Variants in ARMH3 observed in about 807,000 individuals in gnomAD.
The protein encoded by ARMH3 is armadillo like helical domain containing 3, also known as armadillo-like helical domain-containing protein 3.
A neutral mutation model predicts 99.1 loss-of-function variants in ARMH3; 60 were observed. The ratio of observed to expected loss-of-function variants is 0.61; its 90% CI spans 0.49 to 0.75. The LOEUF is 0.75. ARMH3 is among the 30% of genes least tolerant of loss of function. ARMH3 has a pLI of 0.00. For missense variants in ARMH3, 679 were observed against 843.1 expected, an observed-to-expected ratio of 0.81 and a Z score of 2.41; for synonymous variants, 285 against 292.8, an observed-to-expected ratio of 0.97 and a Z score of 0.27.
At chr10:101,968,884 G>C (rs997667544) in intron 20 of ARMH3, among the ~76,000 whole-genome samples, 3 of 152,164 alleles carry the variant, frequency 2.0e-5, no homozygotes, top group African/African-American at 7.2e-5. Context: ...GAACCAGAAA[G>C]ATACCTTCTA....
chr10:102,010,172 C>G (rs2066600142), intron 11 of ARMH3, 149 bp from the exon 12 acceptor site: 2 of 608,146 alleles, frequency 3.3e-6, no homozygotes, highest in Non-Finnish European at 5.8e-6. Context: ...CACACCAAAA[C>G]CAGCCCACTT....
chr10:101,975,745 T>A (rs2135927183), intron 19 of ARMH3, among the ~76,000 whole-genome samples: 1 of 151,910 alleles, frequency 6.6e-6, no homozygotes, highest in South Asian at 2.1e-4. Flanking sequence ...GTACCTGTAG[T>A]CCCAGCTACT....
At chr10:102,044,091 CTTTTT>C (rs778226635) in intron 1 of ARMH3, among the ~76,000 whole-genome samples, 4 of 104,118 alleles carry the variant, frequency 3.8e-5, no homozygotes, top group Admixed American at 9.8e-5. Flanking sequence ...TAATTTTTTT[CTTTTT>C]TTTTTTTTTT....
intron 24 of ARMH3, among the ~76,000 whole-genome samples, chr10:101,860,996 A>C (rs1010710896): frequency 6.6e-6 from 1 of 152,354 alleles, no homozygotes; most frequent in South Asian, 2.1e-4. Flanking sequence ...ACATATCAAG[A>C]AGCAGAAAAA....
At chr10:101,886,362 C>A (rs1005829234) in intron 24 of ARMH3, among the ~76,000 whole-genome samples, 3 of 150,814 alleles carry the variant, frequency 2.0e-5, no homozygotes, top group African/African-American at 7.3e-5. Flanking sequence ...AAACAAAAAT[C>A]AGCCAGGCAT....
intron 23 of ARMH3, among the ~76,000 whole-genome samples, chr10:101,905,430 G>C (rs530974192): frequency 1.3e-5 from 2 of 152,216 alleles, no homozygotes; most frequent in Non-Finnish European, 2.9e-5. Context: ...TGCTACAAGA[G>C]AGAAATGTAC....
chr10:101,896,831 C>CA (rs569470675), intron 23 of ARMH3, among the ~76,000 whole-genome samples: 144 of 152,296 alleles, frequency 9.5e-4, no homozygotes, highest in Admixed American at 2.9e-3. Context: ...TGCAATACCA[C>CA]AAAAGGTGGC....
chr10:102,035,141 CCGAGGCGCCCGGATCA>C (rs2067221460), intron 2 of ARMH3, among the ~76,000 whole-genome samples: 1 of 152,048 alleles, frequency 6.6e-6, no homozygotes, highest in Non-Finnish European at 1.5e-5. Flanking sequence ...CAGGCTGAGT[CCGAGGCGCCCGGATCA>C]CGAGGTCAGG....
intron 24 of ARMH3, among the ~76,000 whole-genome samples, chr10:101,864,419 T>C (rs1304787751): frequency 1.3e-5 from 2 of 152,234 alleles, no homozygotes; most frequent in African/African-American, 4.8e-5. Context: ...TTATAAATCA[T>C]GCTACTATAA....
intron 2 of ARMH3, among the ~76,000 whole-genome samples, chr10:102,037,182 T>C (rs1291266717): frequency 6.6e-6 from 1 of 151,088 alleles, no homozygotes; most frequent in Non-Finnish European, 1.5e-5. Flanking sequence ...GATTTTGTTT[T>C]CTTTTTTTTT....
At chr10:101,882,833 G>C (rs946181858) in intron 24 of ARMH3, among the ~76,000 whole-genome samples, 16 of 152,152 alleles carry the variant, frequency 1.1e-4, no homozygotes, top group African/African-American at 3.6e-4. Flanking sequence ...CTAAGCTAGT[G>C]ATTCTTAAAA....
At chr10:102,012,914 T>C (rs1249272739) in intron 9 of ARMH3, 38 bp from the exon 10 acceptor site, 76 of 1,554,172 alleles carry the variant, frequency 4.9e-5, no homozygotes, top group Non-Finnish European at 6.5e-5. Flanking sequence ...AATAAGACAG[T>C]AGCCTTTGGG....
intron 24 of ARMH3, among the ~76,000 whole-genome samples, chr10:101,878,428 A>T (rs1179034476): frequency 6.6e-6 from 1 of 151,822 alleles, no homozygotes; most frequent in Admixed American, 6.6e-5. Flanking sequence ...TGAGGCCAAA[A>T]GTTTGAGACC....
At position 102,056,153 on chromosome 10, in the gene ARMH3, C is replaced by G. The variant is rs1384582849; in HGVS notation, c.-80G>C. On this transcript the variant is annotated 5_prime_UTR_variant, in exon 1 of 26. Coordinates refer to ENST00000370033, the MANE Select transcript of ARMH3 (RefSeq NM_024541.3). ...CCGCTCGCTCTCGACGCCACCGACGCTGCCGCTGCTCCGGGCTCACGGGCG... is the reference window on the plus strand; with the variant it reads ...CCGCTCGCTCTCGACGCCACCGACGGTGCCGCTGCTCCGGGCTCACGGGCG... The G allele has an allele frequency of 6.6e-6, 1 of 152,250 alleles. No individual in the cohort carries two copies. Among genetic ancestry groups the G allele is most frequent in the Non-Finnish European group, 1.5e-5 (1 of 68,068 alleles). 9.4% of individuals were successfully genotyped at this position (152,250 alleles called of 1,614,324 possible).
Position 102,009,461 on chromosome 10 carries a change from GA to G in ARMH3, c.879-13del. 1 of 1,611,158 alleles carries G rather than the reference GA, an allele frequency of 6.2e-7. No individual in the cohort carries two copies. On this transcript the variant is annotated splice_polypyrimidine_tract_variant and intron_variant, in intron 12 of 25. Transcript: ENST00000370033. ...TGGCCTCATTGGTTCTAAAGAAAAAGAGAACAAATTGGAGCAGTTTTTATAG... is the reference window on the plus strand; with the variant it reads ...TGGCCTCATTGGTTCTAAAGAAAAAGGAACAAATTGGAGCAGTTTTTATAG...
intron 17 of ARMH3, among the ~76,000 whole-genome samples, chr10:101,992,589 G>A (rs1846852851): frequency 6.6e-6 from 1 of 151,092 alleles, no homozygotes; most frequent in South Asian, 2.1e-4. Context: ...TCTGTCTCCT[G>A]GATTCGCGCC....
intron 8 of ARMH3, among the ~76,000 whole-genome samples, chr10:102,021,802 TC>T (rs1380501004): frequency 1.3e-5 from 2 of 152,128 alleles, no homozygotes; most frequent in African/African-American, 4.8e-5. Flanking sequence ...CGCCTCAGCC[TC>T]CCAAAGTGCT....
chr10:101,872,151 T>C (rs1363087953), intron 24 of ARMH3, among the ~76,000 whole-genome samples: 4 of 151,936 alleles, frequency 2.6e-5, no homozygotes, highest in Admixed American at 6.6e-5. Flanking sequence ...AAATATCTAG[T>C]ATTTGAAAGA....
chr10:101,931,867 G>A (rs1590042438), intron 23 of ARMH3, among the ~76,000 whole-genome samples: 1 of 152,218 alleles, frequency 6.6e-6, no homozygotes, highest in South Asian at 2.1e-4. Context: ...TTTCTTGGAT[G>A]TGATAACAAA....
Sources: allele counts gnomAD v4.1 joint callset (sites outside exome capture counted in the v4.1 genomes callset), GRCh38; gene constraint gnomAD v4.1.1; transcripts MANE v1.5; gene names NCBI Gene and HGNC (gene_info 2026-07-23, HGNC 2026-07-21).